The following MYD88 variants were observed in gnomAD, a reference collection of about 807,000 sequenced individuals.
MYD88 encodes the protein myeloid differentiation primary response protein MyD88.
Under a neutral mutation model 31.1 loss-of-function variants are expected in MYD88, and 15 were observed. That is an observed-to-expected ratio of 0.48 (90% CI 0.32 to 0.74). The LOEUF is 0.74. MYD88 is among the 30% of genes least tolerant of loss of function. MYD88 has a pLI of 0.03. For missense variants in MYD88, 308 were observed against 387.4 expected (o/e 0.79, Z 1.72); for synonymous variants, 157 against 158.8 (o/e 0.99, Z 0.08).
In MYD88 at chr3:38,141,271, C is replaced by A. The variant is rs375388881; in HGVS notation, c.876C>A (p.Ala292=). 1 of 1,614,106 alleles carries A rather than the reference C, an allele frequency of 6.2e-7. No individual in the cohort carries two copies. The highest frequency in any genetic ancestry group is 8.5e-7 in the Non-Finnish European group (1 of 1,180,046). ...KSWFWTRLAK[A]LSLP ...GGTTCTGGACTCGCCTTGCCAAGGC[C>A]TTGTCCCTGCCCTGAAGACTGTTCT... Residue 292 remains alanine, a synonymous_variant, in exon 5 of 5, where the codon GCC becomes GCA. Transcript: ENST00000650905.
Position 38,140,398 on chromosome 3 carries a change from T to G in MYD88, c.474T>G (p.Pro158=), listed in dbSNP as rs1701046704. 1 of 1,614,238 alleles carries G rather than the reference T, an allele frequency of 6.2e-7. No individual in the cohort carries two copies. Among genetic ancestry groups the G allele is most frequent in the Non-Finnish European group, 8.5e-7 (1 of 1,180,040 alleles). The change falls in exon 3 of 5, where the codon CCT becomes CCG. Residue 158 remains proline, a synonymous_variant. Transcript: ENST00000650905. ...TTLDDPLGHM[P]ERFDAFICYC... The stretch of plus-strand genomic sequence containing the variant: ...GTGCTCTGCACCCAGGGCATATGCC[T>G]GAGCGTTTCGATGCCTTCATCTGCT...
At position 38,141,552 on chromosome 3, in the gene MYD88, G is replaced by A; in HGVS notation, c.*266G>A. 1.8e-6 allele frequency: 1 copy of A among 553,438 alleles called. No homozygotes were observed. Among genetic ancestry groups the A allele is most frequent in the Non-Finnish European group, 3.3e-6 (1 of 304,858 alleles). 34.3% of individuals were successfully genotyped at this position (553,438 alleles called of 1,614,324 possible). On this transcript the variant is annotated 3_prime_UTR_variant, in exon 5 of 5. Transcript: ENST00000650905. ...GACCAGCTGAGACTAAGAAGGACCA[G>A]CAGAGCCAGCTCAGCTCTGAGCCAT...
chr3:38,139,262 G>A lies in MYD88; in HGVS notation c.328+234G>A. ...AGATGGGAAGGAAGCAGCTTAGGCA[G>A]AGGCTTTCAGGTAGGGCCAGGAGTC... On this transcript the variant is annotated intron_variant, in intron 1 of 4. Coordinates refer to ENST00000650905, the MANE Select transcript of MYD88 (RefSeq NM_002468.5). The surrounding 1 kb of genome is among the most constrained non-coding windows in gnomAD (Gnocchi z 4.7). The A allele has an allele frequency of 1.6e-6, 1 of 614,564 alleles. No homozygotes were observed. The highest frequency in any genetic ancestry group is 2.8e-5 in the East Asian group (1 of 35,274). The allele number at this position is 614,564 out of a possible 1,614,324, so 38.1% of individuals were successfully genotyped here.
Position 38,141,638 on chromosome 3 carries a change from G to A in MYD88, c.*352G>A. ...AGTGGGATGGGGAGAACAGAGAGTA[G>A]CTGTGTTTGAATCCCTGTAGGAAAT... On this transcript the variant is annotated 3_prime_UTR_variant, in exon 5 of 5. Coordinates refer to ENST00000650905, the MANE Select transcript of MYD88 (RefSeq NM_002468.5). 2.2e-6 allele frequency: 1 copy of A among 448,830 alleles called. No homozygotes were observed. Among genetic ancestry groups the A allele is most frequent in the East Asian group, 3.9e-5 (1 of 25,422 alleles). The allele number at this position is 448,830 out of a possible 1,614,324, so 27.8% of individuals were successfully genotyped here.
In MYD88 at chr3:38,141,588, T is replaced by G. The variant is rs973985593; in HGVS notation, c.*302T>G. ...TCAGCTCTGAGCCATTCACACATCT[T>G]CACCCTCAGTTTCCTCACTTGAGGA... On this transcript the variant is annotated 3_prime_UTR_variant, in exon 5 of 5. Coordinates refer to ENST00000650905, the MANE Select transcript of MYD88 (RefSeq NM_002468.5). 15 of 496,376 alleles carry G rather than the reference T, an allele frequency of 3.0e-5. No homozygotes were observed. Among genetic ancestry groups the G allele is most frequent in the African/African-American group, 2.7e-4 (14 of 52,230 alleles). 30.7% of individuals were successfully genotyped at this position (496,376 alleles called of 1,614,324 possible).
At position 38,142,486 on chromosome 3, in the gene MYD88, C is replaced by T. The variant is rs1019042315; in HGVS notation, c.*1200C>T. 4.3e-6 allele frequency: 1 copy of T among 233,294 alleles called. No homozygotes were observed. The allele number at this position is 233,294 out of a possible 1,614,324, so 14.5% of individuals were successfully genotyped here. ...TCTCTTGTGTCCCTACTCATTGAAA[C>T]CAAACTCTGGAAAGGACCCAATGTA... On this transcript the variant is annotated 3_prime_UTR_variant, in exon 5 of 5. Coordinates refer to ENST00000650905, the MANE Select transcript of MYD88 (RefSeq NM_002468.5).
At position 38,139,335 on chromosome 3, in the gene MYD88, C is replaced by G; in HGVS notation, c.328+307C>G. The G allele has an allele frequency of 5.9e-6, 3 of 507,176 alleles. No individual in the cohort carries two copies. The South Asian group carries it at 7.4e-5, about 12-fold the overall frequency. 31.4% of individuals were successfully genotyped at this position (507,176 alleles called of 1,614,324 possible). On this transcript the variant is annotated intron_variant, in intron 1 of 4. Transcript: ENST00000650905. The surrounding 1 kb of genome is among the most constrained non-coding windows in gnomAD (Gnocchi z 4.7). ...ATCTGGGCTGTTTCAAGTAGAGCAA[C>G]AGGACAGGTGGGGCGATTGACAGTG...
chr3:38,139,699 G>A lies in MYD88; in HGVS notation c.329-165G>A, dbSNP rs1701026036. The A allele has an allele frequency of 1.2e-6, 1 of 830,686 alleles. No individual in the cohort carries two copies. Among genetic ancestry groups the A allele is most frequent in the Non-Finnish European group, 2.0e-6 (1 of 510,896 alleles). The allele number at this position is 830,686 out of a possible 1,614,324, so 51.5% of individuals were successfully genotyped here. On this transcript the variant is annotated intron_variant, in intron 1 of 4. Coordinates refer to ENST00000650905, the MANE Select transcript of MYD88 (RefSeq NM_002468.5). This position sits in a 1 kb window ranked among gnomAD's most constrained non-coding sequence, Gnocchi z 4.7. ...CCTTTGGGTCAGTTAGAGCCAGTGGGAGCTCAACTTCTCAGAGCCGTTGAG... is the reference window on the plus strand; with the variant it reads ...CCTTTGGGTCAGTTAGAGCCAGTGGAAGCTCAACTTCTCAGAGCCGTTGAG...
chr3:38,139,240 T>C lies in MYD88; in HGVS notation c.328+212T>C. On this transcript the variant is annotated intron_variant, in intron 1 of 4. Transcript: ENST00000650905. This position sits in a 1 kb window ranked among gnomAD's most constrained non-coding sequence, Gnocchi z 4.7. ...GGAGAAAGGTCCGGATAGGCGGAGA[T>C]GGGAAGGAAGCAGCTTAGGCAGAGG... 1.5e-6 allele frequency: 1 copy of C among 681,654 alleles called. No homozygotes were observed. The highest frequency in any genetic ancestry group is 2.4e-6 in the Non-Finnish European group (1 of 415,668). 42.2% of individuals were successfully genotyped at this position (681,654 alleles called of 1,614,324 possible).
Position 38,142,649 on chromosome 3 carries a change from C to G in MYD88, c.*1363C>G, listed in dbSNP as rs1701107418. Reference sequence around the variant, plus strand: ...TTATACTTTACCCTCAGGCTGTCCTCTGGGGAGAAGGTGCCATGGTCTTAG... The same window carrying G: ...TTATACTTTACCCTCAGGCTGTCCTGTGGGGAGAAGGTGCCATGGTCTTAG... On this transcript the variant is annotated 3_prime_UTR_variant, in exon 5 of 5. Transcript: ENST00000650905. 1 of 233,222 alleles carries G rather than the reference C, an allele frequency of 4.3e-6. No homozygotes were observed. The highest frequency in any genetic ancestry group is 2.2e-5 in the African/African-American group (1 of 45,344). 14.4% of individuals were successfully genotyped at this position (233,222 alleles called of 1,614,324 possible).
At chr3:38,141,026 G>A in intron 4 of MYD88, 106 bp from the exon 5 acceptor site, 1 of 1,507,098 alleles carries the variant, frequency 6.6e-7, no homozygotes, top group Non-Finnish European at 9.2e-7. Flanking sequence ...GTGTGCCAGG[G>A]GTACTTAGAT....
rs1559484076 is a variant in MYD88, at chr3:38,139,438, A to G, written c.328+410A>G. ...ACTGGCACTTACATAATATACATGC[A>G]TAGGCGTTGGATACAGCCGCCCACA... On this transcript the variant is annotated intron_variant, in intron 1 of 4. Transcript: ENST00000650905. This position sits in a 1 kb window ranked among gnomAD's most constrained non-coding sequence, Gnocchi z 4.7. The G allele has an allele frequency of 7.6e-6, 3 of 395,492 alleles. No homozygotes were observed. The highest frequency in any genetic ancestry group is 5.0e-5 in the South Asian group (2 of 40,376). 24.5% of individuals were successfully genotyped at this position (395,492 alleles called of 1,614,324 possible).
In MYD88 at chr3:38,142,697, C is replaced by T. The variant is rs1046680442; in HGVS notation, c.*1411C>T. 1 of 233,056 alleles carries T rather than the reference C, an allele frequency of 4.3e-6. No individual in the cohort carries two copies. Among genetic ancestry groups the T allele is most frequent in the Admixed American group, 5.6e-5 (1 of 17,754 alleles). The allele number at this position is 233,056 out of a possible 1,614,324, so 14.4% of individuals were successfully genotyped here. The stretch of plus-strand genomic sequence containing the variant: ...TAGGTGTCTGTGCCCCAGGACAGAC[C>T]CTAGGACCCTAAATCCAATAGAAAA... On this transcript the variant is annotated 3_prime_UTR_variant, in exon 5 of 5. Coordinates refer to ENST00000650905, the MANE Select transcript of MYD88 (RefSeq NM_002468.5).
Position 38,139,707 on chromosome 3 carries a change from C to A in MYD88, c.329-157C>A. On this transcript the variant is annotated intron_variant, in intron 1 of 4. Transcript: ENST00000650905. The surrounding 1 kb of genome is among the most constrained non-coding windows in gnomAD (Gnocchi z 4.7). Reference sequence around the variant, plus strand: ...TCAGTTAGAGCCAGTGGGAGCTCAACTTCTCAGAGCCGTTGAGCTTCGCGT... The same window carrying A: ...TCAGTTAGAGCCAGTGGGAGCTCAAATTCTCAGAGCCGTTGAGCTTCGCGT... 1 of 932,800 alleles carries A rather than the reference C, an allele frequency of 1.1e-6. No homozygotes were observed. The highest frequency in any genetic ancestry group is 1.4e-5 in the South Asian group (1 of 69,980). The allele number at this position is 932,800 out of a possible 1,614,324, so 57.8% of individuals were successfully genotyped here. A position where few individuals can be genotyped will look rare whatever the true frequency, so the allele number is the denominator to read the frequency against.
rs182110210 is a variant in MYD88, at chr3:38,142,403, T to A, written c.*1117T>A. The A allele has an allele frequency of 2.1e-4, 48 of 233,260 alleles. No homozygotes were observed. In the East Asian group the frequency reaches 2.9e-3, roughly 14 times the overall value. The allele number at this position is 233,260 out of a possible 1,614,324, so 14.4% of individuals were successfully genotyped here. A position where few individuals can be genotyped will look rare whatever the true frequency, so the allele number is the denominator to read the frequency against. On this transcript the variant is annotated 3_prime_UTR_variant, in exon 5 of 5. Transcript: ENST00000650905. ...GGAACAGCTAGGTGGGAAAGTCCCA[T>A]CACTGAGGGAGCCTAACCATGTCCC...
chr3:38,141,179 A>G lies in MYD88; in HGVS notation c.784A>G (p.Lys262Glu), dbSNP rs1445122296. 2 of 1,614,196 alleles carry G rather than the reference A, an allele frequency of 1.2e-6. No individual in the cohort carries two copies. Among genetic ancestry groups the G allele is most frequent in the East Asian group, 2.2e-5 (1 of 44,884 alleles). ...CCCCATCAAGTACAAGGCAATGAAG[A>G]AAGAGTTCCCCAGCATCCTGAGGTT... ...LIPIKYKAMK[K>E]EFPSILRFIT... The change falls in exon 5 of 5, where the codon AAA becomes GAA. Residue 262 changes from lysine to glutamate, a missense_variant. By Grantham distance (56) the Lys-to-Glu change is moderately conservative. Transcript: ENST00000650905.
At position 38,141,258 on chromosome 3, in the gene MYD88, G is replaced by A. The variant is rs1701075219; in HGVS notation, c.863G>A (p.Arg288His). ...NPCTKSWFWT[R>H]LAKALSLP The stretch of plus-strand genomic sequence containing the variant: ...TGCACCAAATCTTGGTTCTGGACTC[G>A]CCTTGCCAAGGCCTTGTCCCTGCCC... The change falls in exon 5 of 5, where the codon CGC becomes CAC. Residue 288 changes from arginine to histidine, a missense_variant. By Grantham distance (29) the Arg-to-His change is conservative (BLOSUM62 0). Transcript: ENST00000650905. 1.9e-6 allele frequency: 3 copies of A among 1,614,076 alleles called. No homozygotes were observed. Among genetic ancestry groups the A allele is most frequent in the East Asian group, 2.2e-5 (1 of 44,894 alleles).
rs954646966 is a variant in MYD88 at position 38,139,719 on chromosome 3, G to A, written c.329-145G>A. On this transcript the variant is annotated intron_variant, in intron 1 of 4. Transcript: ENST00000650905. The surrounding 1 kb of genome is among the most constrained non-coding windows in gnomAD (Gnocchi z 4.7). The stretch of plus-strand genomic sequence containing the variant: ...AGTGGGAGCTCAACTTCTCAGAGCC[G>A]TTGAGCTTCGCGTGGCACCAGTGAA... 5 of 1,044,198 alleles carry A rather than the reference G, an allele frequency of 4.8e-6. No individual in the cohort carries two copies. Among genetic ancestry groups the A allele is most frequent in the African/African-American group, 1.5e-5 (1 of 64,518 alleles). 64.7% of individuals were successfully genotyped at this position (1,044,198 alleles called of 1,614,324 possible). A position where few individuals can be genotyped will look rare whatever the true frequency, so the allele number is the denominator to read the frequency against.
chr3:38,140,193 T>A (rs1701040126), intron 2 of MYD88, 195 bp downstream of exon 2: 1 of 948,956 alleles, frequency 1.1e-6, no homozygotes, highest in Admixed American at 2.0e-5. Flanking sequence ...TGAAATAATG[T>A]CTGTCTCGTG....
Sources: gnomAD v4.1 joint callset for allele counts on GRCh38, gnomAD v4.1.1 for gene constraint, Gnocchi (gnomAD v3.1) non-coding constraint, MANE v1.5 for transcripts, NCBI Gene and HGNC (gene_info 2026-07-23, HGNC 2026-07-21) for gene names.